ITPR2: variants seen among roughly 807,000 people sequenced by gnomAD.
The protein encoded by ITPR2 is inositol 1,4,5-trisphosphate-gated calcium channel ITPR2.
ITPR2 carries 207 observed loss-of-function variants against 317.1 expected under a neutral mutation model. The observed-to-expected ratio is 0.65, with a 90% CI of 0.58 to 0.73. ITPR2 has a LOEUF of 0.73. Ranked by LOEUF, ITPR2 falls within the 30% of genes least tolerant of loss-of-function variation. ITPR2 has a pLI of 0.00. For missense variants in ITPR2, 2,613 were observed against 3,284.0 expected, an observed-to-expected ratio of 0.80 and a Z score of 4.99; for synonymous variants, 1,156 against 1,149.1, an observed-to-expected ratio of 1.01 and a Z score of -0.12.
intron 45 of ITPR2, among the ~76,000 whole-genome samples, chr12:26,454,621 A>C (rs1373147414): frequency 6.6e-6 from 1 of 152,010 alleles, no homozygotes; most frequent in Admixed American, 6.6e-5. Context: ...TTTTTTTTTA[A>C]GGCAAACATC....
intron 1 of ITPR2, among the ~76,000 whole-genome samples, chr12:26,808,987 A>C (rs1950685976): frequency 6.6e-6 from 1 of 152,182 alleles, no homozygotes; most frequent in African/African-American, 2.4e-5. Flanking sequence ...AACCACCTGT[A>C]TTCTGCCCTT....
At chr12:26,457,521 T>C (rs769246866) in intron 45 of ITPR2, among the ~76,000 whole-genome samples, 1 of 152,194 alleles carries the variant, frequency 6.6e-6, no homozygotes, top group Non-Finnish European at 1.5e-5. Flanking sequence ...TTGTTGCTAC[T>C]GTGTTAGAGA....
At chr12:26,513,365 A>T (rs975946297) in intron 37 of ITPR2, among the ~76,000 whole-genome samples, 8 of 152,166 alleles carry the variant, frequency 5.3e-5, no homozygotes, top group Non-Finnish European at 1.2e-4. Flanking sequence ...AAAAAAGAAT[A>T]TTAATATTCT....
chr12:26,708,889 C>T (rs1303040994), intron 9 of ITPR2, among the ~76,000 whole-genome samples: 9 of 152,132 alleles, frequency 5.9e-5, no homozygotes, highest in Non-Finnish European at 1.0e-4. Flanking sequence ...TATACGTATA[C>T]TATGTGTCCA....
At chr12:26,685,448 T>C (rs1450137699) in intron 11 of ITPR2, among the ~76,000 whole-genome samples, 1 of 151,872 alleles carries the variant, frequency 6.6e-6, no homozygotes, top group African/African-American at 2.4e-5. Context: ...TATACAAAAA[T>C]TAGCAGAGCA....
At chr12:26,632,117 T>C (rs988235965) in intron 21 of ITPR2, 58 bp from the exon 22 acceptor site, 28 of 1,366,576 alleles carry the variant, frequency 2.0e-5, no homozygotes, top group Non-Finnish European at 2.4e-5. Flanking sequence ...CATGTAACTA[T>C]AAAACTCAGT....
chr12:26,516,673 G>A (rs2136929415), intron 37 of ITPR2, among the ~76,000 whole-genome samples: 1 of 152,248 alleles, frequency 6.6e-6, no homozygotes, highest in East Asian at 1.9e-4. Flanking sequence ...ATAAAGGAAT[G>A]CTGCATAGCA....
In ITPR2 at chr12:26,387,529, T is replaced by C; in HGVS notation, c.7762A>G (p.Asn2588Asp). 1 of 1,613,864 alleles carries C rather than the reference T, an allele frequency of 6.2e-7. No individual in the cohort carries two copies. ...SFEEHIKSEH[N>D]MWHYLYFIVL... is the part of the protein sequence containing the mutation. Reference sequence around the variant, plus strand: ...ATGAAGTACAAATAATGCCACATATTGTGTTCTGACTTAATGTGCTCCTCA... The same window carrying C: ...ATGAAGTACAAATAATGCCACATATCGTGTTCTGACTTAATGTGCTCCTCA... The change falls in exon 55 of 57, where the codon AAT becomes GAT. Residue 2588 changes from asparagine to aspartate, a missense_variant. Coordinates refer to ENST00000381340, the MANE Select transcript of ITPR2 (RefSeq NM_002223.4).
At chr12:26,368,533 A>G (rs1260833702) in intron 55 of ITPR2, among the ~76,000 whole-genome samples, 1 of 152,198 alleles carries the variant, frequency 6.6e-6, no homozygotes, top group Non-Finnish European at 1.5e-5. Flanking sequence ...AGAGAGGTTA[A>G]GCAAATTCCC....
chr12:26,357,172 G>A (rs142201810), intron 55 of ITPR2, among the ~76,000 whole-genome samples: 1,703 of 152,218 alleles, frequency 0.011, 32 homozygotes, highest in African/African-American at 0.038. Flanking sequence ...GTTGGGGGAA[G>A]GGGGTTGGTT....
chr12:26,640,750 G>A (rs1946965398), intron 21 of ITPR2, among the ~76,000 whole-genome samples: 2 of 57,384 alleles, frequency 3.5e-5, no homozygotes, highest in African/African-American at 1.6e-4. Context: ...GAAATATTAG[G>A]GTCTCTAAAT....
In ITPR2 at chr12:26,663,723, C is replaced by G. The variant is rs752387178; in HGVS notation, c.1675G>C (p.Val559Leu). The G allele has an allele frequency of 3.7e-6, 6 of 1,612,994 alleles. No individual in the cohort carries two copies. Among genetic ancestry groups the G allele is most frequent in the Non-Finnish European group, 5.1e-6 (6 of 1,179,760 alleles). The change falls in exon 15 of 57, where the codon GTC (valine) becomes CTC (leucine). Residue 559 changes from valine (V) to leucine (L), a missense_variant. Physicochemically the swap from Val to Leu is conservative, Grantham distance 32. Around this residue, in one of 9 missense-constraint regions of ITPR2, gnomAD observed 515 missense variants for 789.4 expected, o/e 0.65. Coordinates refer to ENST00000381340, the MANE Select transcript of ITPR2 (RefSeq NM_002223.4). The stretch of plus-strand genomic sequence containing the variant: ...TAATCCTGCTGCGAGTGTCTCAGGA[C>G]GCGGTAACAGAGCCGCAGCATGTAC... ...YKYMLRLCYRVLRHSQQDYRK... is the reference protein window; with the variant it reads ...YKYMLRLCYRLLRHSQQDYRK...
At chr12:26,679,002 T>G (rs1470757371) in intron 13 of ITPR2, among the ~76,000 whole-genome samples, 1 of 152,196 alleles carries the variant, frequency 6.6e-6, no homozygotes, top group Non-Finnish European at 1.5e-5. Flanking sequence ...TATCTAAGAG[T>G]GTTAGAAACA....
chr12:26,507,768 T>C (rs1943223787), intron 37 of ITPR2, among the ~76,000 whole-genome samples: 1 of 152,124 alleles, frequency 6.6e-6, no homozygotes, highest in Non-Finnish European at 1.5e-5. Flanking sequence ...GGAAGAATCA[T>C]TTCAGTGAAC....
Position 26,443,436 on chromosome 12 carries a change from CTCA to C in ITPR2, c.6450+104_6450+106del, listed in dbSNP as rs949368485. 121 of 776,120 alleles carry C rather than the reference CTCA, an allele frequency of 1.6e-4. No homozygotes were observed. In the African/African-American group the frequency reaches 1.9e-3, roughly 12 times the overall value. The allele number at this position is 776,120 out of a possible 1,614,324, so 48.1% of individuals were successfully genotyped here. A position where few individuals can be genotyped will look rare whatever the true frequency, so the allele number is the denominator to read the frequency against. On this transcript the variant is annotated intron_variant, in intron 46 of 56. Coordinates refer to ENST00000381340, the MANE Select transcript of ITPR2 (RefSeq NM_002223.4). ...ACTATACATTTTTCAGTTTAAACCA[CTCA>C]CTTCTGCATCATTGCTCTAGAAAAA... is the stretch of plus-strand genomic sequence containing the variant.
At chr12:26,428,613 C>T (rs993782409) in intron 48 of ITPR2, among the ~76,000 whole-genome samples, 10 of 151,966 alleles carry the variant, frequency 6.6e-5, no homozygotes, top group Non-Finnish European at 7.4e-5. Flanking sequence ...TGTATGAGTA[C>T]GTGCATGAGT....
intron 2 of ITPR2, among the ~76,000 whole-genome samples, chr12:26,726,220 C>CTCCCCA (rs1948919099): frequency 6.6e-6 from 1 of 152,158 alleles, no homozygotes. Flanking sequence ...GAGTCATCCA[C>CTCCCCA]TCCCCAAGTT....
intron 21 of ITPR2, among the ~76,000 whole-genome samples, chr12:26,636,845 T>C (rs1309612653): frequency 1.3e-5 from 2 of 152,180 alleles, no homozygotes; most frequent in African/African-American, 4.8e-5. Flanking sequence ...CCAGTTTACA[T>C]AGCTAGGAAG....
intron 35 of ITPR2, among the ~76,000 whole-genome samples, chr12:26,561,469 T>A (rs763995674): frequency 1.4e-4 from 21 of 152,166 alleles, no homozygotes; most frequent in Non-Finnish European, 2.6e-4. Context: ...TTATGAATAT[T>A]TAGTTGATTT....
Sources: gnomAD v4.1 joint callset for allele counts (sites outside exome capture counted in the v4.1 genomes callset) on GRCh38, gnomAD v4.1.1 for gene constraint, gnomAD v4.1.1 regional missense constraint, MANE v1.5 for transcripts, NCBI Gene and HGNC (gene_info 2026-07-23, HGNC 2026-07-21) for gene names.